Variants in AP3S2 observed in about 807,000 individuals in gnomAD.
AP3S2 encodes AP-3 complex subunit sigma-2.
In AP3S2, 22 loss-of-function variants were observed where a neutral mutation model predicts 23.4. The ratio of observed to expected loss-of-function variants is 0.94; its 90% CI spans 0.67 to 1.34. The LOEUF (loss-of-function observed/expected upper bound fraction) is 1.34, where lower values mean the gene tolerates loss of function less well. Ranked by LOEUF, AP3S2 falls within the 40% of genes most tolerant of loss-of-function variation. AP3S2 has a pLI of 0.00. For missense variants in AP3S2, 241 were observed against 236.9 expected (o/e 1.02, Z -0.11); for synonymous variants, 86 against 87.1 (o/e 0.99, Z 0.07).
chr15:89,850,576 G>T (rs4932252), intron 4 of AP3S2: 3 of 152,734 alleles, frequency 2.0e-5, no homozygotes, highest in Admixed American at 6.6e-5. Context: ...GGGCATATTC[G>T]TACTGTATTT....
intron 4 of AP3S2, among the ~76,000 whole-genome samples, chr15:89,870,716 A>G (rs945972042): frequency 6.6e-6 from 1 of 152,220 alleles, no homozygotes; most frequent in African/African-American, 2.4e-5. Flanking sequence ...CTCCTAAAAA[A>G]TCATCTCTCT....
At chr15:89,870,137 A>G (rs1374429198) in intron 4 of AP3S2, among the ~76,000 whole-genome samples, 1 of 152,212 alleles carries the variant, frequency 6.6e-6, no homozygotes, top group African/African-American at 2.4e-5. Flanking sequence ...AATACTTGAA[A>G]GGGACTCTAG....
chr15:89,837,269 G>C (rs1377373490), intron 5 of AP3S2, among the ~76,000 whole-genome samples: 1 of 152,188 alleles, frequency 6.6e-6, no homozygotes, highest in East Asian at 1.9e-4. Context: ...GACTAGGGAA[G>C]AGGGTTCTGG....
intron 3 of AP3S2, among the ~76,000 whole-genome samples, chr15:89,887,323 T>C (rs924190472): frequency 6.6e-6 from 1 of 152,184 alleles, no homozygotes; most frequent in East Asian, 1.9e-4. Context: ...TAAACTTTTA[T>C]CTTAAGAAAA....
intron 1 of AP3S2, chr15:89,889,395 G>T: frequency 2.5e-6 from 1 of 407,910 alleles, no homozygotes; most frequent in Non-Finnish European, 4.5e-6. Context: ...CTGTCCTATA[G>T]GTAAGCTGAT....
intron 4 of AP3S2, among the ~76,000 whole-genome samples, chr15:89,865,230 AAT>A (rs34212960): frequency 0.28 from 42,206 of 150,114 alleles, 6,094 homozygotes; most frequent in African/African-American, 0.35. Flanking sequence ...CCACAAATGG[AAT>A]ATATATATAT....
chr15:89,838,295 A>T (rs951842368), intron 4 of AP3S2, among the ~76,000 whole-genome samples: 1 of 152,204 alleles, frequency 6.6e-6, no homozygotes, highest in African/African-American at 2.4e-5. Context: ...AAGGGACGTG[A>T]TCAGAGCAAG....
chr15:89,848,082 C>T (rs1403865479), intron 4 of AP3S2, among the ~76,000 whole-genome samples: 2 of 152,146 alleles, frequency 1.3e-5, no homozygotes, highest in Admixed American at 1.3e-4. Context: ...TCCATAGAAA[C>T]CTCTAATCTA....
intron 4 of AP3S2, among the ~76,000 whole-genome samples, chr15:89,851,481 G>C (rs976680015): frequency 3.6e-4 from 55 of 152,272 alleles, no homozygotes; most frequent in African/African-American, 1.2e-3. Flanking sequence ...TATGATTACA[G>C]GCATGTGCCA....
chr15:89,888,591 T>C lies in AP3S2; in HGVS notation c.203A>G (p.Tyr68Cys). Residue 68 changes from tyrosine to cysteine, a missense_variant, in exon 3 of 6, where the codon TAT (tyrosine) becomes TGT (cysteine). Coordinates refer to ENST00000336418, the MANE Select transcript of AP3S2 (RefSeq NM_005829.5). ...ACAAAATACAAAGTAGAGGGTAGCA[T>C]AGTGCCGGTAGATCAGTTTGTAGTC... ...GSDYKLIYRH[Y>C]ATLYFVFCVD... is the part of the protein sequence containing the mutation. 1 of 1,614,168 alleles carries C rather than the reference T, an allele frequency of 6.2e-7. No individual in the cohort carries two copies. Among genetic ancestry groups the C allele is most frequent in the Non-Finnish European group, 8.5e-7 (1 of 1,180,024 alleles).
At chr15:89,863,854 G>A (rs908464032) in intron 4 of AP3S2, among the ~76,000 whole-genome samples, 1 of 152,170 alleles carries the variant, frequency 6.6e-6, no homozygotes, top group African/African-American at 2.4e-5. Context: ...CTTAGGACAA[G>A]GCTTTTGCCT....
chr15:89,888,828 C>T (rs541015013), intron 2 of AP3S2, among the ~76,000 whole-genome samples, 196 bp from the exon 3 acceptor site: 68 of 152,302 alleles, frequency 4.5e-4, no homozygotes, highest in Admixed American at 1.4e-3. Flanking sequence ...TCTTCTCCTG[C>T]CTATCCTCCC....
intron 4 of AP3S2, among the ~76,000 whole-genome samples, chr15:89,868,500 C>T (rs1427934498): frequency 5.3e-5 from 6 of 113,026 alleles, no homozygotes; most frequent in African/African-American, 1.0e-4. Context: ...GCCAGCCGCC[C>T]GGTCCGGGAG....
intron 4 of AP3S2, chr15:89,848,898 G>A (rs1380865894): frequency 6.6e-6 from 1 of 152,124 alleles, no homozygotes; most frequent in Admixed American, 6.5e-5. Context: ...AATGAAAAGA[G>A]GAAGAAGATA....
intron 4 of AP3S2, among the ~76,000 whole-genome samples, chr15:89,845,154 AC>A (rs1895455877): frequency 6.6e-6 from 1 of 152,088 alleles, no homozygotes; most frequent in Non-Finnish European, 1.5e-5. Flanking sequence ...CAATCTGCCT[AC>A]CCCGGCCTCC....
At chr15:89,867,695 C>T (rs1404612797) in intron 4 of AP3S2, among the ~76,000 whole-genome samples, 16 of 139,068 alleles carry the variant, frequency 1.2e-4, no homozygotes, top group African/African-American at 3.8e-4. Context: ...GCGCCTCTGC[C>T]CGGCCGAGAC....
At chr15:89,853,437 A>T (rs1895709775) in intron 4 of AP3S2, among the ~76,000 whole-genome samples, 1 of 152,268 alleles carries the variant, frequency 6.6e-6, no homozygotes, top group Admixed American at 6.5e-5. Context: ...GAAAAATGAC[A>T]TACCATTGAT....
chr15:89,893,803 C>T, intron 1 of AP3S2, 78 bp downstream of exon 1: 10 of 1,424,154 alleles, frequency 7.0e-6, no homozygotes, highest in Non-Finnish European at 8.7e-6. Context: ...GCGGTGCCCC[C>T]GGGCGCCGAG....
intron 3 of AP3S2, among the ~76,000 whole-genome samples, chr15:89,885,417 G>A (rs1347043910): frequency 6.6e-6 from 1 of 151,858 alleles, no homozygotes. Context: ...TGGTCAGGCT[G>A]GTCTCAAACT....
Sources: allele counts gnomAD v4.1 joint callset (sites outside exome capture counted in the v4.1 genomes callset), GRCh38; gene constraint gnomAD v4.1.1; transcripts MANE v1.5; gene names NCBI Gene and HGNC (gene_info 2026-07-23, HGNC 2026-07-21).